PHEX: variants seen among roughly 807,000 people sequenced by gnomAD.
The protein encoded by PHEX is phosphate-regulating neutral endopeptidase PHEX.
Under a neutral mutation model 68.0 loss-of-function variants are expected in PHEX, and 16 were observed. The ratio of observed to expected loss-of-function variants is 0.24; its 90% CI spans 0.16 to 0.36. PHEX has a LOEUF of 0.36. Among genes scored for constraint, PHEX ranks in the 10% least tolerant of loss-of-function variants. The pLI, the probability that PHEX is intolerant of heterozygous loss-of-function variation, is 1.00. For synonymous variants in PHEX, 208 were observed against 205.1 expected (o/e 1.01, Z -0.12); for missense variants, 480 against 575.5 (o/e 0.83, Z 1.70).
At chrX:22,076,567 AC>A in intron 4 of PHEX, 93 bp downstream of exon 4, 1 of 601,385 alleles carries the variant, frequency 1.7e-6, no homozygotes, top group South Asian at 2.4e-5. Flanking sequence ...GAAGAAGAGA[AC>A]TACTAAGAAT....
intron 12 of PHEX, among the ~76,000 whole-genome samples, chrX:22,152,042 A>G (rs937894099): frequency 8.9e-6 from 1 of 112,451 alleles, no homozygotes; most frequent in Non-Finnish European, 1.9e-5. Context: ...AGTTTGATTT[A>G]TAAAAAATGA....
chrX:22,091,834 G>A (rs766824519), intron 6 of PHEX, among the ~76,000 whole-genome samples: 3 of 111,953 alleles, frequency 2.7e-5, no homozygotes, highest in Admixed American at 9.5e-5. Context: ...CCTCACAATC[G>A]TGGCAGAAGG....
At chrX:22,196,440 A>G (rs948108742) in intron 15 of PHEX, among the ~76,000 whole-genome samples, 6 of 112,041 alleles carry the variant, frequency 5.4e-5, no homozygotes, top group Non-Finnish European at 1.1e-4. Context: ...CAACTCTGCC[A>G]TGGCAGCCAT....
intron 11 of PHEX, among the ~76,000 whole-genome samples, chrX:22,126,762 T>G (rs1043901667): frequency 6.3e-5 from 7 of 110,466 alleles, no homozygotes; most frequent in Non-Finnish European, 1.3e-4. Context: ...GAAGAACCTA[T>G]TTTTAGATAA....
intron 10 of PHEX, among the ~76,000 whole-genome samples, chrX:22,112,394 T>C (rs1333821206): frequency 8.9e-6 from 1 of 112,101 alleles, no homozygotes; most frequent in Non-Finnish European, 1.9e-5. Flanking sequence ...CTCCTACCAC[T>C]AGAGGCCGTA....
At chrX:22,043,560 C>T (rs756432951) in intron 2 of PHEX, among the ~76,000 whole-genome samples, 3 of 111,881 alleles carry the variant, frequency 2.7e-5, no homozygotes, top group Non-Finnish European at 5.6e-5. Flanking sequence ...CACAAGTGGT[C>T]TGACTAGAGT....
At chrX:22,131,511 T>G (rs757978363) in intron 11 of PHEX, among the ~76,000 whole-genome samples, 1 of 113,072 alleles carries the variant, frequency 8.8e-6, no homozygotes, top group Non-Finnish European at 1.9e-5. Flanking sequence ...TGGGAAGAAA[T>G]AGCTGTGAAG....
In PHEX at chrX:22,038,459, GT is replaced by G; in HGVS notation, c.119-4del. ...ACAACTCAGCCATTTATTGTGGTCT[GT>G]TTTTTCAGTGAGTCAAGGTCTCTTA... On this transcript the variant is annotated splice_polypyrimidine_tract_variant and intron_variant, in intron 1 of 21. Coordinates refer to ENST00000379374, the MANE Select transcript of PHEX (RefSeq NM_000444.6). The G allele has an allele frequency of 8.5e-7, 1 of 1,174,630 alleles. No individual in the cohort carries two copies. Among genetic ancestry groups the G allele is most frequent in the Non-Finnish European group, 1.2e-6 (1 of 861,922 alleles).
intron 6 of PHEX, among the ~76,000 whole-genome samples, chrX:22,092,066 AC>A (rs1263664434): frequency 9.0e-6 from 1 of 111,429 alleles, no homozygotes; most frequent in African/African-American, 3.3e-5. Context: ...ACACAGCCAA[AC>A]CATATCACCC....
intron 20 of PHEX, among the ~76,000 whole-genome samples, chrX:22,230,229 C>CT (rs140475343): frequency 0.03 from 330 of 10,946 alleles, 45 homozygotes; most frequent in Non-Finnish European, 0.046. Flanking sequence ...TATATGGGCT[C>CT]TTTTTTTTTT....
intron 5 of PHEX, among the ~76,000 whole-genome samples, chrX:22,083,990 T>C (rs1281123561): frequency 8.9e-6 from 1 of 112,177 alleles, no homozygotes; most frequent in Non-Finnish European, 1.9e-5. Flanking sequence ...TGGCTTTTAC[T>C]TTTTGAGGTG....
At chrX:22,228,706 C>T (rs1935597049) in intron 20 of PHEX, among the ~76,000 whole-genome samples, 1 of 91,777 alleles carries the variant, frequency 1.1e-5, no homozygotes, top group Non-Finnish European at 2.2e-5. Context: ...TTCCAGAAGC[C>T]AGATGTTTCA....
At chrX:22,148,346 C>T (rs181489328) in intron 12 of PHEX, among the ~76,000 whole-genome samples, 1 of 111,519 alleles carries the variant, frequency 9.0e-6, no homozygotes, top group East Asian at 2.8e-4. Flanking sequence ...TCAGAAGTCT[C>T]AGAATATAAT....
chrX:22,204,043 A>G (rs911845146), intron 15 of PHEX, among the ~76,000 whole-genome samples: 2 of 111,489 alleles, frequency 1.8e-5, no homozygotes, highest in African/African-American at 3.3e-5. Flanking sequence ...TTGGACATAG[A>G]TATTAAACAA....
At chrX:22,167,127 C>T (rs1239157436) in intron 12 of PHEX, among the ~76,000 whole-genome samples, 1 of 111,822 alleles carries the variant, frequency 8.9e-6, no homozygotes, top group African/African-American at 3.3e-5. Context: ...CTCTCTTTAG[C>T]GTACTGATTT....
chrX:22,097,761 T>C (rs201556312), intron 8 of PHEX: 2 of 696,018 alleles, frequency 2.9e-6, no homozygotes, highest in East Asian at 3.2e-4. Flanking sequence ...CATGTTACTT[T>C]CTGTGTTTTT....
intron 12 of PHEX, among the ~76,000 whole-genome samples, chrX:22,151,223 G>A (rs1469245145): frequency 6.3e-5 from 7 of 111,927 alleles, no homozygotes; most frequent in Non-Finnish European, 1.3e-4. Context: ...CTAATAAGTA[G>A]ATAATACAGA....
intron 1 of PHEX, among the ~76,000 whole-genome samples, chrX:22,034,732 A>G: frequency 8.9e-6 from 1 of 111,955 alleles, no homozygotes. Context: ...GACCAGCAGC[A>G]TTAGCATCAC....
intron 14 of PHEX, among the ~76,000 whole-genome samples, chrX:22,184,057 A>G (rs58408986): frequency 0.057 from 6,407 of 111,709 alleles, 400 homozygotes; most frequent in East Asian, 0.2. Flanking sequence ...TGAAAAACAA[A>G]TAGCTCTTTC....
Sources: allele counts gnomAD v4.1 joint callset (sites outside exome capture counted in the v4.1 genomes callset), GRCh38; gene constraint gnomAD v4.1.1; transcripts MANE v1.5; gene names NCBI Gene and HGNC (gene_info 2026-07-23, HGNC 2026-07-21).